Variants in MRPL15 observed in about 807,000 individuals in gnomAD.
MRPL15 encodes the protein mitochondrial ribosomal protein L15, also known as large ribosomal subunit protein uL15m.
In MRPL15, 24 loss-of-function variants were observed where a neutral mutation model predicts 28.0. The ratio of observed to expected loss-of-function variants is 0.86; its 90% CI spans 0.62 to 1.21. The LOEUF is 1.21. Ranked by LOEUF, MRPL15 falls within the 50% of genes most tolerant of loss-of-function variation. MRPL15 has a pLI of 0.00. For synonymous variants in MRPL15, 124 were observed against 137.0 expected (o/e 0.90, Z 0.66); for missense variants, 343 against 372.4 (o/e 0.92, Z 0.65).
At chr8:54,139,241 C>T (rs1451168699) in intron 3 of MRPL15, among the ~76,000 whole-genome samples, 7 of 152,060 alleles carry the variant, frequency 4.6e-5, no homozygotes, top group South Asian at 2.1e-4. Flanking sequence ...TCAGGTGATC[C>T]GCCTGCCTCG....
chr8:54,135,390 C>A lies in MRPL15; in HGVS notation c.107C>A (p.Pro36Gln). 6.5e-7 allele frequency: 1 copy of A among 1,528,132 alleles called. No homozygotes were observed. Among genetic ancestry groups the A allele is most frequent in the East Asian group, 2.7e-5 (1 of 37,716 alleles). The allele number at this position is 1,528,132 out of a possible 1,614,324, so 94.7% of individuals were successfully genotyped here. Residue 36 changes from proline to glutamine, a missense_variant and splice_region_variant, in exon 1 of 5, where the codon CCG (proline) becomes CAG (glutamine). Coordinates refer to ENST00000260102, the MANE Select transcript of MRPL15 (RefSeq NM_014175.4). ...AAGCCGAATCCCGGCTCCAAGAAAC[C>A]GGTAAATGGGTGGTGGCGGTGCGGG... ...NLKPNPGSKKPERRPRGRRRG... is the reference protein window; with the variant it reads ...NLKPNPGSKKQERRPRGRRRG...
Position 54,142,605 on chromosome 8 carries a change from ATAAT to A in MRPL15, c.430-52_430-49del, listed in dbSNP as rs1426744545. 9 of 1,583,702 alleles carry A rather than the reference ATAAT, an allele frequency of 5.7e-6. No homozygotes were observed. The African/African-American group carries it at 1.1e-4, about 19-fold the overall frequency. ...ACACTGTCTAAAAAGGAAGCTTGAC[ATAAT>A]TAATTTACTTTTAGCCAAGCTGTTT... On this transcript the variant is annotated intron_variant, in intron 3 of 4. Coordinates refer to ENST00000260102, the MANE Select transcript of MRPL15 (RefSeq NM_014175.4).
At position 54,136,653 on chromosome 8, in the gene MRPL15, A is replaced by G; in HGVS notation, c.251A>G (p.Asn84Ser). The G allele has an allele frequency of 6.2e-7, 1 of 1,614,120 alleles. No homozygotes were observed. Among genetic ancestry groups the G allele is most frequent in the East Asian group, 2.2e-5 (1 of 44,876 alleles). ...FYIRIPKYGF[N>S]EGHSFRRQYK... ...ATCCGAATCCCAAAATACGGGTTTAACGAAGGACATAGGTAAGGTTGCTTT... is the reference window on the plus strand; with the variant it reads ...ATCCGAATCCCAAAATACGGGTTTAGCGAAGGACATAGGTAAGGTTGCTTT... The change falls in exon 2 of 5, where the codon AAC (asparagine) becomes AGC (serine). Residue 84 changes from asparagine (N) to serine (S), a missense_variant. Coordinates refer to ENST00000260102, the MANE Select transcript of MRPL15 (RefSeq NM_014175.4).
intron 4 of MRPL15, among the ~76,000 whole-genome samples, chr8:54,145,144 C>G (rs1811022358): frequency 6.6e-6 from 1 of 152,180 alleles, no homozygotes; most frequent in Admixed American, 6.6e-5. Context: ...AAAACAAATC[C>G]AATCACAGGC....
At position 54,148,084 on chromosome 8, in the gene MRPL15, C is replaced by G. The variant is rs1313526530; in HGVS notation, c.*365C>G. On this transcript the variant is annotated 3_prime_UTR_variant, in exon 5 of 5. Coordinates refer to ENST00000260102, the MANE Select transcript of MRPL15 (RefSeq NM_014175.4). ...AATGGGATTGACCTGTAGGCCTGCT[C>G]TGCCGAGATGAGAGCAGATGGAATG... 6.6e-6 allele frequency among the ~76,000 whole-genome samples: 1 copy of G among 152,178 alleles called. No homozygotes were observed. Among genetic ancestry groups the G allele is most frequent in the Non-Finnish European group, 1.5e-5 (1 of 68,028 alleles).
intron 4 of MRPL15, among the ~76,000 whole-genome samples, chr8:54,146,638 C>G (rs1160519856): frequency 6.6e-6 from 1 of 152,122 alleles, no homozygotes; most frequent in African/African-American, 2.4e-5. Context: ...TTCCTTAGTA[C>G]TGTTTTGATT....
rs139839283 is a variant in MRPL15 at position 54,143,436 on chromosome 8, A to G, written c.553+650A>G. Among the ~76,000 whole-genome samples, 389 of 152,192 alleles carry G rather than the reference A, an allele frequency of 2.6e-3. 1 individual carries two copies. Among genetic ancestry groups the G allele is most frequent in the African/African-American group, 8.8e-3 (367 of 41,506 alleles). Reference sequence around the variant, plus strand: ...CTTGTAGTCTTCCCTATGTAAGTAAATGACAAGTCCATCCAAAATTTGGAG... The same window carrying G: ...CTTGTAGTCTTCCCTATGTAAGTAAGTGACAAGTCCATCCAAAATTTGGAG... On this transcript the variant is annotated intron_variant, in intron 4 of 4. Transcript: ENST00000260102.
chr8:54,147,987 A>G lies in MRPL15; in HGVS notation c.*268A>G, dbSNP rs1811074300. The G allele has an allele frequency of 1.1e-5, 4 of 349,832 alleles. No homozygotes were observed. In the Middle Eastern group the frequency reaches 2.4e-3, roughly 210 times the overall value. 21.7% of individuals were successfully genotyped at this position (349,832 alleles called of 1,614,324 possible). A position where few individuals can be genotyped will look rare whatever the true frequency, so the allele number is the denominator to read the frequency against. ...ATGACAACTATTTTAGAATATTTCT[A>G]GTTTGTTTTTTCAGTGATCTTTTCA... On this transcript the variant is annotated 3_prime_UTR_variant, in exon 5 of 5. Coordinates refer to ENST00000260102, the MANE Select transcript of MRPL15 (RefSeq NM_014175.4).
intron 4 of MRPL15, among the ~76,000 whole-genome samples, chr8:54,146,444 C>A (rs1811046685): frequency 7.5e-6 from 1 of 133,612 alleles, no homozygotes; most frequent in African/African-American, 2.8e-5. Flanking sequence ...GAGACTTTGT[C>A]TCAAAAAAAA....
intron 4 of MRPL15, among the ~76,000 whole-genome samples, chr8:54,147,061 C>T (rs560026818): frequency 6.0e-4 from 91 of 152,236 alleles, no homozygotes; most frequent in African/African-American, 2.1e-3. Flanking sequence ...GGTCAAACCC[C>T]GTCTCTACTA....
chr8:54,137,455 T>C (rs1810845277), intron 3 of MRPL15, 22 bp downstream of exon 3: 6 of 1,609,716 alleles, frequency 3.7e-6, no homozygotes, highest in Non-Finnish European at 5.1e-6. Flanking sequence ...TTAGATCTTT[T>C]GGTGTTATAT....
intron 4 of MRPL15, among the ~76,000 whole-genome samples, chr8:54,144,952 T>C (rs1315206723): frequency 2.0e-5 from 3 of 152,106 alleles, no homozygotes; most frequent in Non-Finnish European, 2.9e-5. Flanking sequence ...ACTTTGGTGT[T>C]AGTGTGTTTT....
intron 3 of MRPL15, among the ~76,000 whole-genome samples, chr8:54,138,164 C>G (rs926595961): frequency 6.6e-5 from 10 of 151,692 alleles, no homozygotes; most frequent in Admixed American, 5.9e-4. Context: ...CCATATTGGC[C>G]AAGCTGGTCT....
Position 54,135,264 on chromosome 8 carries a change from A to T in MRPL15, c.-20A>T, listed in dbSNP as rs1162859687. The T allele has an allele frequency of 1.5e-5, 19 of 1,308,500 alleles. No homozygotes were observed. In the East Asian group the frequency reaches 5.0e-4, roughly 35 times the overall value. 81.1% of individuals were successfully genotyped at this position (1,308,500 alleles called of 1,614,324 possible). A position where few individuals can be genotyped will look rare whatever the true frequency, so the allele number is the denominator to read the frequency against. ...CCGAGCAGCTCAGGGCGCCCTTGAA[A>T]GTTCTTGGATCTGCGGGTTATGGCC... On this transcript the variant is annotated 5_prime_UTR_variant, in exon 1 of 5. The change creates a new upstream start codon in the 5' untranslated region. Transcript: ENST00000260102.
At chr8:54,137,668 TGG>T (rs1355300750) in intron 3 of MRPL15, among the ~76,000 whole-genome samples, 1 of 152,160 alleles carries the variant, frequency 6.6e-6, no homozygotes, top group Non-Finnish European at 1.5e-5. Context: ...TTCACTATGT[TGG>T]CCAGGCTGAT....
chr8:54,147,341 A>G (rs746020004), intron 4 of MRPL15, 41 bp from the exon 5 acceptor site: 1 of 1,462,820 alleles, frequency 6.8e-7, no homozygotes, highest in Non-Finnish European at 9.3e-7. Flanking sequence ...TCTATGAGCT[A>G]ATATTTGCAT....
rs1811067934 is a variant in MRPL15, at chr8:54,147,661, C to T, written c.833C>T (p.Ala278Val). 1 of 1,613,804 alleles carries T rather than the reference C, an allele frequency of 6.2e-7. No homozygotes were observed. Among genetic ancestry groups the T allele is most frequent in the African/African-American group, 1.3e-5 (1 of 74,852 alleles). The part of the protein sequence containing the change: ...GLAPGWVVNM[A>V]DKKILKPTDE... ...GCTCCAGGATGGGTGGTGAATATGGCCGATAAGAAAATCCTAAAACCTACA... is the reference window on the plus strand; with the variant it reads ...GCTCCAGGATGGGTGGTGAATATGGTCGATAAGAAAATCCTAAAACCTACA... Residue 278 changes from alanine (A) to valine (V), a missense_variant, in exon 5 of 5, where the codon GCC becomes GTC. Ala to Val is a moderately conservative substitution (Grantham distance 64). Coordinates refer to ENST00000260102, the MANE Select transcript of MRPL15 (RefSeq NM_014175.4).
chr8:54,142,714 G>C lies in MRPL15; in HGVS notation c.481G>C (p.Glu161Gln), dbSNP rs140295154. ...TAATATTGAAGTACAGTTGGCTTCA[G>C]AACTAGCTATTGCTGCCATTGAAAA... is the stretch of plus-strand genomic sequence containing the variant. ...KVNIEVQLASELAIAAIEKNG... is the reference protein window; with the variant it reads ...KVNIEVQLASQLAIAAIEKNG... Residue 161 changes from glutamate (E) to glutamine (Q), a missense_variant, in exon 4 of 5, where the codon GAA becomes CAA. By Grantham distance (29) the Glu-to-Gln change is conservative (BLOSUM62 2). Coordinates refer to ENST00000260102, the MANE Select transcript of MRPL15 (RefSeq NM_014175.4). 5.5e-5 allele frequency: 89 copies of C among 1,614,032 alleles called. No individual in the cohort carries two copies. In the African/African-American group the frequency reaches 1.1e-3, roughly 20 times the overall value.
At chr8:54,135,548 A>G (rs1412476263) in intron 1 of MRPL15, among the ~76,000 whole-genome samples, 157 bp downstream of exon 1, 3 of 148,050 alleles carry the variant, frequency 2.0e-5, no homozygotes, top group Non-Finnish European at 4.4e-5. Context: ...CCAGAGGGGA[A>G]TCTTTCCACG....
Sources: gnomAD v4.1 joint callset for allele counts (sites outside exome capture counted in the v4.1 genomes callset) on GRCh38, gnomAD v4.1.1 for gene constraint, MANE v1.5 for transcripts, NCBI Gene and HGNC (gene_info 2026-07-23, HGNC 2026-07-21) for gene names.